Variants in PLCL2 observed in about 807,000 individuals in gnomAD.
The protein encoded by PLCL2 is inactive phospholipase C-like protein 2.
A neutral mutation model predicts 79.6 loss-of-function variants in PLCL2; 4 were observed. That is an observed-to-expected ratio of 0.05 (90% confidence interval 0.02 to 0.11). The LOEUF (loss-of-function observed/expected upper bound fraction) is 0.11. PLCL2 is among the 10% of genes least tolerant of loss of function. PLCL2 has a pLI of 1.00. For missense variants in PLCL2, 895 were observed against 1,291.0 expected (o/e 0.69, Z 4.70); for synonymous variants, 484 against 457.7 (o/e 1.06, Z -0.73).
intron 2 of PLCL2, among the ~76,000 whole-genome samples, chr3:17,013,578 G>A (rs2064352136): frequency 1.3e-5 from 2 of 152,200 alleles, no homozygotes; most frequent in South Asian, 4.1e-4. Context: ...TTGAGCCAAT[G>A]ATCTATAGTT....
intron 4 of PLCL2, among the ~76,000 whole-genome samples, chr3:17,063,748 C>T (rs1182640347): frequency 6.6e-6 from 1 of 152,184 alleles, no homozygotes; most frequent in Admixed American, 6.5e-5. Context: ...CAACTGCAGT[C>T]ACAGGTTCAC....
At chr3:16,940,697 T>G (rs1697659291) in intron 1 of PLCL2, among the ~76,000 whole-genome samples, 1 of 151,360 alleles carries the variant, frequency 6.6e-6, no homozygotes, top group East Asian at 1.9e-4. Flanking sequence ...AGGATAGAGG[T>G]TCAAATCTTG....
intron 1 of PLCL2, among the ~76,000 whole-genome samples, chr3:16,932,054 C>T (rs1357740374): frequency 6.6e-6 from 1 of 152,114 alleles, no homozygotes; most frequent in African/African-American, 2.4e-5. Context: ...CAGAACCCGA[C>T]CACACTGGCA....
At chr3:17,002,463 G>T (rs1158627766) in intron 1 of PLCL2, among the ~76,000 whole-genome samples, 1 of 152,086 alleles carries the variant, frequency 6.6e-6, no homozygotes, top group Non-Finnish European at 1.5e-5. Context: ...GAAAGACTTT[G>T]AATTTTTCCC....
chr3:16,954,901 A>G (rs2063689456), intron 1 of PLCL2, among the ~76,000 whole-genome samples: 2 of 152,130 alleles, frequency 1.3e-5, no homozygotes, highest in South Asian at 4.1e-4. Context: ...AATTTGTTTG[A>G]GTTCATTGTA....
At chr3:16,905,112 T>G (rs1397561737) in intron 1 of PLCL2, among the ~76,000 whole-genome samples, 1 of 152,188 alleles carries the variant, frequency 6.6e-6, no homozygotes, top group African/African-American at 2.4e-5. Context: ...ATTTTTGTTG[T>G]GACAGTCCCA....
At chr3:16,939,917 C>T (rs1451382644) in intron 1 of PLCL2, among the ~76,000 whole-genome samples, 2 of 152,124 alleles carry the variant, frequency 1.3e-5, no homozygotes, top group Admixed American at 6.5e-5. Context: ...AGAGGGAAGA[C>T]CCAGGCACAT....
chr3:17,023,293 T>C (rs1437495798), intron 3 of PLCL2, among the ~76,000 whole-genome samples: 2 of 152,194 alleles, frequency 1.3e-5, no homozygotes, highest in East Asian at 3.8e-4. Flanking sequence ...GGAAGTCTCC[T>C]CCACCTTAGG....
chr3:17,051,343 T>G (rs2064836616), intron 4 of PLCL2, among the ~76,000 whole-genome samples: 1 of 152,168 alleles, frequency 6.6e-6, no homozygotes, highest in African/African-American at 2.4e-5. Flanking sequence ...AAATGCTTAT[T>G]AAGTGGATAG....
intron 4 of PLCL2, among the ~76,000 whole-genome samples, chr3:17,058,339 C>CA (rs1045371073): frequency 6.6e-6 from 1 of 152,120 alleles, no homozygotes; most frequent in African/African-American, 2.4e-5. Context: ...ATTAAGCAAA[C>CA]AAATTTGGTG....
At chr3:16,947,643 A>C (rs907254194) in intron 1 of PLCL2, among the ~76,000 whole-genome samples, 1 of 152,172 alleles carries the variant, frequency 6.6e-6, no homozygotes, top group Non-Finnish European at 1.5e-5. Flanking sequence ...ATAATTATAA[A>C]ATTTACCCCA....
At chr3:17,022,157 T>A (rs1191782485) in intron 3 of PLCL2, among the ~76,000 whole-genome samples, 1 of 152,230 alleles carries the variant, frequency 6.6e-6, no homozygotes, top group African/African-American at 2.4e-5. Context: ...TCCCTGAATC[T>A]GGTAGAAAAT....
intron 3 of PLCL2, among the ~76,000 whole-genome samples, chr3:17,028,940 A>G (rs2064547724): frequency 6.6e-6 from 1 of 152,198 alleles, no homozygotes; most frequent in Non-Finnish European, 1.5e-5. Context: ...CACAGATATC[A>G]GGTGCCCTTC....
chr3:17,065,443 G>A (rs756149401), intron 4 of PLCL2, among the ~76,000 whole-genome samples: 34 of 152,278 alleles, frequency 2.2e-4, no homozygotes, highest in Non-Finnish European at 3.7e-4. Context: ...AAGACCTAGA[G>A]TAGCTGTTTG....
intron 1 of PLCL2, among the ~76,000 whole-genome samples, chr3:16,953,631 T>C (rs1559496738): frequency 6.6e-6 from 1 of 152,202 alleles, no homozygotes; most frequent in African/African-American, 2.4e-5. Context: ...CTGACTTCAG[T>C]GAACTAATGC....
At chr3:16,959,888 G>A (rs1201914562) in intron 1 of PLCL2, among the ~76,000 whole-genome samples, 1 of 152,040 alleles carries the variant, frequency 6.6e-6, no homozygotes, top group African/African-American at 2.4e-5. Flanking sequence ...GGCGGATCAC[G>A]AGGTCAGGGG....
chr3:17,038,211 C>T (rs2064678251), intron 3 of PLCL2, among the ~76,000 whole-genome samples: 1 of 152,008 alleles, frequency 6.6e-6, no homozygotes, highest in Admixed American at 6.6e-5. Flanking sequence ...ACTTTAGTTC[C>T]AGAAATGTAG....
At chr3:16,942,596 C>T (rs1053054543) in intron 1 of PLCL2, among the ~76,000 whole-genome samples, 1 of 152,182 alleles carries the variant, frequency 6.6e-6, no homozygotes, top group Non-Finnish European at 1.5e-5. Context: ...AGACATGACT[C>T]TATCACGCTT....
intron 1 of PLCL2, among the ~76,000 whole-genome samples, chr3:17,008,574 C>T (rs1450078770): frequency 6.6e-6 from 1 of 151,962 alleles, no homozygotes; most frequent in African/African-American, 2.4e-5. Flanking sequence ...GCATTGTAAC[C>T]AGGTAACCCA....
Sources: allele counts gnomAD v4.1 joint callset (sites outside exome capture counted in the v4.1 genomes callset), GRCh38; gene constraint gnomAD v4.1.1; transcripts MANE v1.5; gene names NCBI Gene and HGNC (gene_info 2026-07-23, HGNC 2026-07-21).